The following GRPR variants were observed in gnomAD, a reference collection of about 807,000 sequenced individuals.
The protein encoded by GRPR is gastrin releasing peptide receptor.
Under a neutral mutation model 15.6 loss-of-function variants are expected in GRPR, and 4 were observed. The observed-to-expected ratio is 0.26, with a 90% confidence interval of 0.13 to 0.59. The LOEUF (loss-of-function observed/expected upper bound fraction) is 0.59, where lower values mean the gene tolerates loss of function less well. GRPR is among the 20% of genes least tolerant of loss of function. GRPR has a pLI of 0.90. For synonymous variants in GRPR, 128 were observed against 126.8 expected (o/e 1.01, Z -0.06); for missense variants, 270 against 304.1 (o/e 0.89, Z 0.83).
Position 16,123,624 on chromosome X carries a change from C to A in GRPR, c.-330C>A, listed in dbSNP as rs1922240053. The A allele has an allele frequency of 9.5e-6, 2 of 210,037 alleles. No individual in the cohort carries two copies. Among genetic ancestry groups the A allele is most frequent in the African/African-American group, 3.0e-5 (1 of 33,898 alleles). 17.3% of individuals were successfully genotyped at this position (210,037 alleles called of 1,213,427 possible). On this transcript the variant is annotated 5_prime_UTR_variant, in exon 1 of 3. Coordinates refer to ENST00000380289, the MANE Select transcript of GRPR (RefSeq NM_005314.3). Reference sequence around the variant, plus strand: ...GCCAAAAGTTCTTAGTAAACTGCAGCCAGGGAGACTCAGACTAGAATGGAG... The same window carrying A: ...GCCAAAAGTTCTTAGTAAACTGCAGACAGGGAGACTCAGACTAGAATGGAG...
In GRPR at chrX:16,152,549, G is replaced by A. The variant is rs1922728535; in HGVS notation, c.1059G>A (p.Arg353=). Residue 353 remains arginine, a synonymous_variant, in exon 3 of 3, where the codon AGG becomes AGA. Transcript: ENST00000380289. ...TCATCCGGTCTCACAGCACTGGAAG[G>A]AGTACAACCTGCATGACCTCCCTCA... The part of the protein sequence containing the change: ...GLIIRSHSTG[R]STTCMTSLKS... 8.3e-7 allele frequency: 1 copy of A among 1,204,901 alleles called. No individual in the cohort carries two copies. Among genetic ancestry groups the A allele is most frequent in the Admixed American group, 2.2e-5 (1 of 45,825 alleles).
In GRPR at chrX:16,153,018, A is replaced by G. The variant is rs1922741392; in HGVS notation, c.*373A>G. The stretch of plus-strand genomic sequence containing the variant: ...CAGAGAAATCATACATTGAATGCTT[A>G]CTTTGTGAAAGACTTCACCTTGTCA... On this transcript the variant is annotated 3_prime_UTR_variant, in exon 3 of 3. Coordinates refer to ENST00000380289, the MANE Select transcript of GRPR (RefSeq NM_005314.3). 9.6e-6 allele frequency: 2 copies of G among 208,257 alleles called. No individual in the cohort carries two copies. Among genetic ancestry groups the G allele is most frequent in the Non-Finnish European group, 1.8e-5 (2 of 112,384 alleles). 17.2% of individuals were successfully genotyped at this position (208,257 alleles called of 1,213,427 possible).
At chrX:16,136,740 CA>C (rs1922455027) in intron 1 of GRPR, among the ~76,000 whole-genome samples, 1 of 112,042 alleles carries the variant, frequency 8.9e-6, no homozygotes, top group Non-Finnish European at 1.9e-5. Flanking sequence ...GTCTCTATTG[CA>C]ACTGCTCAAT....
In GRPR at chrX:16,152,540, C is replaced by T; in HGVS notation, c.1050C>T (p.Ser350=). ...CQPGLIIRSH[S]TGRSTTCMTS... Reference sequence around the variant, plus strand: ...CTGGCCTGATCATCCGGTCTCACAGCACTGGAAGGAGTACAACCTGCATGA... The same window carrying T: ...CTGGCCTGATCATCCGGTCTCACAGTACTGGAAGGAGTACAACCTGCATGA... Residue 350 remains serine, a synonymous_variant, in exon 3 of 3, where the codon AGC becomes AGT. Transcript: ENST00000380289. The T allele has an allele frequency of 8.3e-7, 1 of 1,207,866 alleles. No homozygotes were observed. Among genetic ancestry groups the T allele is most frequent in the South Asian group, 1.8e-5 (1 of 56,908 alleles).
intron 2 of GRPR, among the ~76,000 whole-genome samples, chrX:16,151,888 G>A (rs951270613): frequency 6.3e-5 from 7 of 111,620 alleles, no homozygotes; most frequent in African/African-American, 2.3e-4. Flanking sequence ...TGAGGAAAAA[G>A]GGGGCACTTA....
In GRPR at chrX:16,150,482, C is replaced by A; in HGVS notation, c.591C>A (p.Ala197=). 8.3e-7 allele frequency: 1 copy of A among 1,209,094 alleles called. No individual in the cohort carries two copies. Among genetic ancestry groups the A allele is most frequent in the Non-Finnish European group, 1.1e-6 (1 of 893,226 alleles). ...ESTNQTFISC[A]PYPHSNELHP... ...CCAACCAGACCTTCATTAGCTGTGC[C>A]CCATACCCACACTCTAATGAGCTTC... Residue 197 remains alanine (A), a synonymous_variant, in exon 2 of 3, where the codon GCC becomes GCA. Coordinates refer to ENST00000380289, the MANE Select transcript of GRPR (RefSeq NM_005314.3).
At chrX:16,148,390 T>C (rs188532767) in intron 1 of GRPR, among the ~76,000 whole-genome samples, 25 of 111,550 alleles carry the variant, frequency 2.2e-4, no homozygotes, top group African/African-American at 8.1e-4. Context: ...ACAAGCCAGG[T>C]TCTTTTTCCC....
Position 16,150,559 on chromosome X carries a change from T to G in GRPR, c.668T>G (p.Leu223Arg). 8.3e-7 allele frequency: 1 copy of G among 1,199,060 alleles called. No individual in the cohort carries two copies. Among genetic ancestry groups the G allele is most frequent in the Non-Finnish European group, 1.1e-6 (1 of 883,754 alleles). ...TTTCTGGTCTTCTACGTCATTCCACTGTCGATCATCTCTGTTTACTACTAC... is the reference window on the plus strand; with the variant it reads ...TTTCTGGTCTTCTACGTCATTCCACGGTCGATCATCTCTGTTTACTACTAC... ...ASFLVFYVIP[L>R]SIISVYYYFI... Residue 223 changes from leucine (L) to arginine (R), a missense_variant, in exon 2 of 3, where the codon CTG becomes CGG. Physicochemically the swap from Leu to Arg is moderately radical, Grantham distance 102. Coordinates refer to ENST00000380289, the MANE Select transcript of GRPR (RefSeq NM_005314.3).
At chrX:16,150,160 C>G in intron 1 of GRPR, 145 bp from the exon 2 acceptor site, 1 of 487,295 alleles carries the variant, frequency 2.1e-6, no homozygotes, top group Non-Finnish European at 3.6e-6. Flanking sequence ...GGTCACAGAG[C>G]TCAGAGTCGG....
intron 2 of GRPR, among the ~76,000 whole-genome samples, chrX:16,151,874 C>G (rs1207630400): frequency 9.0e-6 from 1 of 111,580 alleles, no homozygotes. Flanking sequence ...CACCAATGCT[C>G]TCCTGAGGAA....
At chrX:16,135,634 TG>T (rs1277919130) in intron 1 of GRPR, among the ~76,000 whole-genome samples, 2 of 112,438 alleles carry the variant, frequency 1.8e-5, no homozygotes, top group African/African-American at 3.2e-5. Flanking sequence ...TTTTTCCGTT[TG>T]GTGGTGGTGA....
rs1449596579 is a variant in GRPR, at chrX:16,123,819, A to G, written c.-135A>G. Reference sequence around the variant, plus strand: ...GTTTTGAATACCATAGTTAGTATATATGTACTCAGAGTATTTTTATTAAAG... The same window carrying G: ...GTTTTGAATACCATAGTTAGTATATGTGTACTCAGAGTATTTTTATTAAAG... On this transcript the variant is annotated 5_prime_UTR_variant, in exon 1 of 3. In the 5' UTR this introduces an upstream ATG that the reference lacks. Transcript: ENST00000380289. 5 of 536,141 alleles carry G rather than the reference A, an allele frequency of 9.3e-6. No individual in the cohort carries two copies. In the African/African-American group the frequency reaches 1.1e-4, roughly 12 times the overall value. 44.2% of individuals were successfully genotyped at this position (536,141 alleles called of 1,213,427 possible).
At chrX:16,145,541 CA>C (rs1922592149) in intron 1 of GRPR, among the ~76,000 whole-genome samples, 1 of 111,806 alleles carries the variant, frequency 8.9e-6, no homozygotes, top group South Asian at 3.8e-4. Flanking sequence ...TTAATGGGTA[CA>C]AAAACTAATT....
At chrX:16,148,421 C>T (rs1185601663) in intron 1 of GRPR, among the ~76,000 whole-genome samples, 3 of 111,382 alleles carry the variant, frequency 2.7e-5, no homozygotes, top group African/African-American at 9.8e-5. Context: ...CTGAATAATT[C>T]CCCCTTCCCT....
At chrX:16,148,506 G>C (rs1922640012) in intron 1 of GRPR, among the ~76,000 whole-genome samples, 1 of 111,297 alleles carries the variant, frequency 9.0e-6, no homozygotes, top group African/African-American at 3.3e-5. Flanking sequence ...TAATCAACAT[G>C]AAAACAAGTG....
chrX:16,123,688 C>A lies in GRPR; in HGVS notation c.-266C>A, dbSNP rs1364475309. The A allele has an allele frequency of 1.9e-5, 7 of 360,118 alleles. No individual in the cohort carries two copies. In the East Asian group the frequency reaches 3.4e-4, roughly 17 times the overall value. The allele number at this position is 360,118 out of a possible 1,213,427, so 29.7% of individuals were successfully genotyped here. Reference sequence around the variant, plus strand: ...ATGCAGAGTGGGTTTAATTCTAAGCCTTTTTGTGGCTAAGTTTTGTTGTTG... The same window carrying A: ...ATGCAGAGTGGGTTTAATTCTAAGCATTTTTGTGGCTAAGTTTTGTTGTTG... On this transcript the variant is annotated 5_prime_UTR_variant, in exon 1 of 3. Coordinates refer to ENST00000380289, the MANE Select transcript of GRPR (RefSeq NM_005314.3).
chrX:16,134,586 G>C (rs1922422386), intron 1 of GRPR, among the ~76,000 whole-genome samples: 2 of 111,180 alleles, frequency 1.8e-5, no homozygotes, highest in Admixed American at 1.9e-4. Flanking sequence ...TTTTGTGAGA[G>C]TTGGTCTATT....
chrX:16,148,001 A>G (rs1190665347), intron 1 of GRPR, among the ~76,000 whole-genome samples: 1 of 112,564 alleles, frequency 8.9e-6, no homozygotes, highest in Non-Finnish European at 1.9e-5. Flanking sequence ...TAAAATGGCT[A>G]ATGAATAAAG....
chrX:16,152,198 AT>A, intron 2 of GRPR, 57 bp from the exon 3 acceptor site: 1 of 984,869 alleles, frequency 1.0e-6, no homozygotes, highest in East Asian at 3.0e-5. Flanking sequence ...GTCTCTCTGC[AT>A]TCTTCTGACA....
Sources: gnomAD v4.1 joint callset for allele counts (sites outside exome capture counted in the v4.1 genomes callset) on GRCh38, gnomAD v4.1.1 for gene constraint, MANE v1.5 for transcripts, NCBI Gene and HGNC (gene_info 2026-07-23, HGNC 2026-07-21) for gene names.